The following SECISBP2 variants were observed in gnomAD, a reference collection of about 807,000 sequenced individuals.
The protein encoded by SECISBP2 is SECIS binding protein 2, also known as selenocysteine insertion sequence-binding protein 2.
Under a neutral mutation model 98.2 loss-of-function variants are expected in SECISBP2, and 96 were observed. The ratio of observed to expected loss-of-function variants is 0.98; its 90% CI spans 0.83 to 1.16. The LOEUF is 1.16. SECISBP2 is among the 50% of genes most tolerant of loss of function. SECISBP2 has a pLI of 0.00. For missense variants in SECISBP2, 1,046 were observed against 1,022.9 expected (o/e 1.02, Z -0.31); for synonymous variants, 407 against 370.2 (o/e 1.10, Z -1.14).
At chr9:89,333,025 A>G (rs754393186) in intron 6 of SECISBP2, 39 bp downstream of exon 6, 1 of 1,564,676 alleles carries the variant, frequency 6.4e-7, no homozygotes. Context: ...TTAAAATGTC[A>G]TAGATTTTTT....
Position 89,349,780 on chromosome 9 carries a change from A to T in SECISBP2, c.1743A>T (p.Pro581=). 1 of 1,614,192 alleles carries T rather than the reference A, an allele frequency of 6.2e-7. No homozygotes were observed. ...QFPEQAELSG[P]EGMDELISTP... Reference sequence around the variant, plus strand: ...ATGCCTTTTTCCTCCATGAAGGGCCAGAGGGGATGGACGAACTGATCTCCA... The same window carrying T: ...ATGCCTTTTTCCTCCATGAAGGGCCTGAGGGGATGGACGAACTGATCTCCA... The change falls in exon 13 of 17, where the codon CCA becomes CCT. Residue 581 remains proline, a synonymous_variant. Transcript: ENST00000375807.
chr9:89,366,905 C>T, the SECISBP2 span, among the ~76,000 whole-genome samples: 9 of 152,128 alleles, frequency 5.9e-5, no homozygotes, highest in Non-Finnish European at 1.2e-4. Context: ...CATGACCAAG[C>T]CCTTGAGACT....
chr9:89,325,018 G>A, intron 2 of SECISBP2: 1 of 287,934 alleles, frequency 3.5e-6, no homozygotes, highest in South Asian at 3.3e-5. Context: ...AGCAGGGAAG[G>A]GCTGGAGAAA....
At position 89,326,010 on chromosome 9, in the gene SECISBP2, C is replaced by G; in HGVS notation, c.546C>G (p.Ser182=). The G allele has an allele frequency of 6.2e-7, 1 of 1,613,586 alleles. No individual in the cohort carries two copies. Among genetic ancestry groups the G allele is most frequent in the Non-Finnish European group, 8.5e-7 (1 of 1,179,984 alleles). The stretch of plus-strand genomic sequence containing the variant: ...CAGCTAGAGGTTCACATCATTTGTC[C>G]ATTTACGCTGAGAATAGTTTGAAAT... The part of the protein sequence containing the change: ...IKSARGSHHL[S]IYAENSLKSD... Residue 182 remains serine, a synonymous_variant, in exon 4 of 17, where the codon TCC becomes TCG. Coordinates refer to ENST00000375807, the MANE Select transcript of SECISBP2 (RefSeq NM_024077.5).
chr9:89,318,530 G>T lies in SECISBP2; in HGVS notation c.-47G>T, dbSNP rs141853383. On this transcript the variant is annotated 5_prime_UTR_variant, in exon 1 of 17. Coordinates refer to ENST00000375807, the MANE Select transcript of SECISBP2 (RefSeq NM_024077.5). ...CGCTTTGTCTGTCCGGCAAGCCGAC[G>T]GCCCGCTGCTGGCCTCCGTGACGCG... is the stretch of plus-strand genomic sequence containing the variant. The T allele has an allele frequency of 6.6e-6, 10 of 1,513,048 alleles. No homozygotes were observed. The highest frequency in any genetic ancestry group is 1.4e-5 in the African/African-American group (1 of 69,722). The allele number at this position is 1,513,048 out of a possible 1,614,324, so 93.7% of individuals were successfully genotyped here.
chr9:89,333,950 G>C (rs1283076477), intron 6 of SECISBP2: 16 of 896,900 alleles, frequency 1.8e-5, no homozygotes, highest in East Asian at 2.1e-4. Flanking sequence ...TTTACCCTTG[G>C]GGGTAGCCAC....
intron 6 of SECISBP2, chr9:89,334,143 G>C: frequency 8.7e-7 from 1 of 1,151,982 alleles, no homozygotes; most frequent in Non-Finnish European, 1.1e-6. Context: ...TGATGTTAAA[G>C]GTACACTTCA....
intron 14 of SECISBP2, among the ~76,000 whole-genome samples, chr9:89,355,965 TG>T (rs1832013930): frequency 6.6e-6 from 1 of 152,256 alleles, no homozygotes; most frequent in African/African-American, 2.4e-5. Flanking sequence ...CATGTTAGCC[TG>T]ACATCTTTTT....
At chr9:89,318,928 C>CT in intron 1 of SECISBP2, 4 of 1,209,358 alleles carry the variant, frequency 3.3e-6, no homozygotes, top group Non-Finnish European at 4.1e-6. Context: ...TTCCCGCGCT[C>CT]TTGGGAACGG....
chr9:89,328,621 A>G (rs1260545612), intron 4 of SECISBP2, 39 bp from the exon 5 acceptor site: 1 of 1,564,408 alleles, frequency 6.4e-7, no homozygotes, highest in Non-Finnish European at 8.8e-7. Flanking sequence ...TCAAACAGTA[A>G]CTAAATTTTT....
intron 10 of SECISBP2, among the ~76,000 whole-genome samples, chr9:89,343,029 C>T (rs1331738829): frequency 6.6e-6 from 1 of 152,100 alleles, no homozygotes; most frequent in Non-Finnish European, 1.5e-5. Context: ...CATTGTGTAG[C>T]TGAAAATCTC....
chr9:89,337,921 G>C (rs538789856), intron 7 of SECISBP2, among the ~76,000 whole-genome samples: 1 of 152,244 alleles, frequency 6.6e-6, no homozygotes, highest in African/African-American at 2.4e-5. Context: ...TAGTGAAGGG[G>C]CTTCAGTGCA....
chr9:89,329,486 C>G (rs1245495467), intron 5 of SECISBP2: 2 of 151,736 alleles, frequency 1.3e-5, no homozygotes, highest in Non-Finnish European at 2.9e-5. Context: ...GGGAGTCTCA[C>G]TGTGTTGCCC....
In SECISBP2 at chr9:89,358,896, C is replaced by T; in HGVS notation, c.*72C>T. The T allele has an allele frequency of 1.1e-6, 1 of 894,554 alleles. No homozygotes were observed. Among genetic ancestry groups the T allele is most frequent in the Admixed American group, 1.9e-5 (1 of 52,586 alleles). The allele number at this position is 894,554 out of a possible 1,614,324, so 55.4% of individuals were successfully genotyped here. A position where few individuals can be genotyped will look rare whatever the true frequency, so the allele number is the denominator to read the frequency against. On this transcript the variant is annotated 3_prime_UTR_variant, in exon 17 of 17. Coordinates refer to ENST00000375807, the MANE Select transcript of SECISBP2 (RefSeq NM_024077.5). ...GAAAAAGACTTTGGGGCTTTTTCTT[C>T]TGTTTTTCATGACAATGTAATTTGT...
At chr9:89,343,398 A>T (rs917651482) in intron 10 of SECISBP2, among the ~76,000 whole-genome samples, 4 of 152,062 alleles carry the variant, frequency 2.6e-5, no homozygotes, top group African/African-American at 9.7e-5. Context: ...GGTTTGTTAT[A>T]TAGGTAAACT....
intron 13 of SECISBP2, among the ~76,000 whole-genome samples, 166 bp from the exon 14 acceptor site, chr9:89,350,466 A>G (rs1831113497): frequency 6.6e-6 from 1 of 152,224 alleles, no homozygotes; most frequent in South Asian, 2.1e-4. Flanking sequence ...TTTACCTTTC[A>G]TAAAATTAAA....
intron 6 of SECISBP2, chr9:89,334,252 G>T (rs973218819): frequency 3.5e-6 from 4 of 1,144,060 alleles, no homozygotes; most frequent in Non-Finnish European, 4.6e-6. Flanking sequence ...TAAAACTACT[G>T]TTTGTCTACC....
At chr9:89,362,767 C>T (rs529244165), downstream of SECISBP2, among the ~76,000 whole-genome samples, 19 of 152,370 alleles carry the variant, frequency 1.2e-4, no homozygotes, top group African/African-American at 3.6e-4. Flanking sequence ...CTGGCAGCCA[C>T]GTAACCCACA....
In SECISBP2 at chr9:89,358,198, G is replaced by A. The variant is rs1485009798; in HGVS notation, c.2461+7G>A. On this transcript the variant is annotated splice_region_variant and intron_variant, in intron 16 of 16. Coordinates refer to ENST00000375807, the MANE Select transcript of SECISBP2 (RefSeq NM_024077.5). ...AAAGAAGAGCCACACTACAGTGAGT[G>A]CTTAAGGGAGAGTTGTGTCAGGTCG... 1.2e-6 allele frequency: 2 copies of A among 1,609,544 alleles called. No homozygotes were observed. The highest frequency in any genetic ancestry group is 2.2e-5 in the East Asian group (1 of 44,738).
Sources: gnomAD v4.1 joint callset for allele counts (sites outside exome capture counted in the v4.1 genomes callset) on GRCh38, gnomAD v4.1.1 for gene constraint, MANE v1.5 for transcripts, NCBI Gene and HGNC (gene_info 2026-07-23, HGNC 2026-07-21) for gene names.